ZNF576: variants seen among roughly 807,000 people sequenced by gnomAD.
ZNF576 encodes zinc finger protein 576.
A neutral mutation model predicts 10.8 loss-of-function variants in ZNF576; 9 were observed. The observed-to-expected ratio is 0.84, with a 90% CI of 0.50 to 1.46. The LOEUF is 1.46. ZNF576 is among the 40% of genes most tolerant of loss of function. The probability of loss-of-function intolerance (pLI) is 0.00; values close to 1 mark genes in which losing one functional copy is unlikely to be tolerated. For synonymous variants in ZNF576, 88 were observed against 89.6 expected (o/e 0.98, Z 0.10); for missense variants, 191 against 233.7 (o/e 0.82, Z 1.19).
Position 43,599,279 on chromosome 19 carries a change from C to A in ZNF576, c.*21C>A, listed in dbSNP as rs200110905. The A allele has an allele frequency of 1.9e-6, 3 of 1,598,094 alleles. No individual in the cohort carries two copies. The highest frequency in any genetic ancestry group is 2.2e-5 in the South Asian group (2 of 89,610). On this transcript the variant is annotated 3_prime_UTR_variant, in exon 3 of 3. Coordinates refer to ENST00000336564, the MANE Select transcript of ZNF576 (RefSeq NM_001145347.2). Reference sequence around the variant, plus strand: ...TCTGAGTGCAGCTTAAGCCTCTCCACGGTGACGGGTGGCTCTGTGGCTGGT... The same window carrying A: ...TCTGAGTGCAGCTTAAGCCTCTCCAAGGTGACGGGTGGCTCTGTGGCTGGT...
Position 43,599,527 on chromosome 19 carries a change from G to A in ZNF576, c.*269G>A. The A allele has an allele frequency of 2.1e-6, 1 of 474,228 alleles. No individual in the cohort carries two copies. The highest frequency in any genetic ancestry group is 3.1e-5 in the South Asian group (1 of 32,146). The allele number at this position is 474,228 out of a possible 1,614,324, so 29.4% of individuals were successfully genotyped here. A position where few individuals can be genotyped will look rare whatever the true frequency, so the allele number is the denominator to read the frequency against. ...TGGGAAGGGAGTGCGGGAGAGAAATGGTTTGTGTCTCCCTTATTCCCAGTT... is the reference window on the plus strand; with the variant it reads ...TGGGAAGGGAGTGCGGGAGAGAAATAGTTTGTGTCTCCCTTATTCCCAGTT... On this transcript the variant is annotated 3_prime_UTR_variant, in exon 3 of 3. Transcript: ENST00000336564.
intron 2 of ZNF576, among the ~76,000 whole-genome samples, chr19:43,598,581 T>C (rs1973174605): frequency 6.6e-6 from 1 of 152,100 alleles, no homozygotes; most frequent in South Asian, 2.1e-4. Context: ...CTCTCTGGGT[T>C]CCAACCCTGG....
chr19:43,596,945 CA>C (rs754410333), intron 1 of ZNF576, 148 bp from the exon 2 acceptor site: 1 of 617,702 alleles, frequency 1.6e-6, no homozygotes, highest in Non-Finnish European at 2.9e-6. Flanking sequence ...AGAACTCCAT[CA>C]ATTAGAGTTC....
Position 43,598,990 on chromosome 19 carries a change from C to T in ZNF576, c.245C>T (p.Ser82Phe). 5 of 1,614,214 alleles carry T rather than the reference C, an allele frequency of 3.1e-6. No individual in the cohort carries two copies. The Admixed American group carries it at 8.3e-5, about 27-fold the overall frequency. ...ICFTCARSFPSSKALITHQRS... is the reference protein window; with the variant it reads ...ICFTCARSFPFSKALITHQRS... The stretch of plus-strand genomic sequence containing the variant: ...TTCACCTGCGCCCGCTCCTTCCCCT[C>T]CTCCAAAGCCCTAATCACCCACCAG... The change falls in exon 3 of 3, where the codon TCC (serine) becomes TTC (phenylalanine). Residue 82 changes from serine to phenylalanine, a missense_variant. Coordinates refer to ENST00000336564, the MANE Select transcript of ZNF576 (RefSeq NM_001145347.2).
rs899751215 is a variant in ZNF576, at chr19:43,598,931, G to A, written c.186G>A (p.Val62=). The part of the protein sequence containing the change: ...HMKREHPADF[V]AQKLQGVLFI... Reference sequence around the variant, plus strand: ...AGCGGGAGCACCCAGCGGACTTCGTGGCCCAGAAGCTGCAGGGGGTCCTCT... The same window carrying A: ...AGCGGGAGCACCCAGCGGACTTCGTAGCCCAGAAGCTGCAGGGGGTCCTCT... The change falls in exon 3 of 3, where the codon GTG becomes GTA. Residue 62 remains valine (V), a synonymous_variant. Coordinates refer to ENST00000336564, the MANE Select transcript of ZNF576 (RefSeq NM_001145347.2). 1 of 1,613,776 alleles carries A rather than the reference G, an allele frequency of 6.2e-7. No homozygotes were observed. The highest frequency in any genetic ancestry group is 2.2e-5 in the East Asian group (1 of 44,864).
intron 2 of ZNF576, among the ~76,000 whole-genome samples, chr19:43,598,558 T>C (rs1160086383): frequency 6.6e-6 from 1 of 152,180 alleles, no homozygotes; most frequent in African/African-American, 2.4e-5. Context: ...TACCCCTCTG[T>C]TGGGCAGGCT....
chr19:43,599,579 C>T lies in ZNF576; in HGVS notation c.*321C>T, dbSNP rs1973189015. On this transcript the variant is annotated 3_prime_UTR_variant, in exon 3 of 3. Transcript: ENST00000336564. ...AATACCTAGCTGCAGATTGTGCCAT[C>T]ACCCTTCATTCTTCCCAGATGGATG... 9.2e-6 allele frequency: 3 copies of T among 324,472 alleles called. No individual in the cohort carries two copies. Among genetic ancestry groups the T allele is most frequent in the Non-Finnish European group, 5.7e-6 (1 of 175,046 alleles). 20.1% of individuals were successfully genotyped at this position (324,472 alleles called of 1,614,324 possible).
At position 43,599,304 on chromosome 19, in the gene ZNF576, T is replaced by C; in HGVS notation, c.*46T>C. ...CGGTGACGGGTGGCTCTGTGGCTGGTAGGACTCACCCATGATATGGGGTGC... is the reference window on the plus strand; with the variant it reads ...CGGTGACGGGTGGCTCTGTGGCTGGCAGGACTCACCCATGATATGGGGTGC... On this transcript the variant is annotated 3_prime_UTR_variant, in exon 3 of 3. Coordinates refer to ENST00000336564, the MANE Select transcript of ZNF576 (RefSeq NM_001145347.2). The C allele has an allele frequency of 6.4e-7, 1 of 1,567,510 alleles. No homozygotes were observed. The highest frequency in any genetic ancestry group is 8.7e-7 in the Non-Finnish European group (1 of 1,151,764).
Position 43,599,148 on chromosome 19 carries a change from G to A in ZNF576, c.403G>A (p.Glu135Lys), listed in dbSNP as rs1214826166. 1.9e-6 allele frequency: 3 copies of A among 1,614,150 alleles called. No individual in the cohort carries two copies. The African/African-American group carries it at 4.0e-5, about 22-fold the overall frequency. The change falls in exon 3 of 3, where the codon GAG becomes AAG. Residue 135 changes from glutamate (E) to lysine (K), a missense_variant. Glu to Lys is a moderately conservative substitution (Grantham distance 56). Coordinates refer to ENST00000336564, the MANE Select transcript of ZNF576 (RefSeq NM_001145347.2). ...TCTGAGGCGGCACCGCCAGATGCAT[G>A]AGGTCCGTGCCCCTCCTGGCACCTT... ...VSLRRHRQMH[E>K]VRAPPGTFAC...
upstream of ZNF576, chr19:43,596,490 C>G (rs765023664): frequency 2.0e-5 from 3 of 152,492 alleles, no homozygotes; most frequent in Middle Eastern, 3.4e-3. Flanking sequence ...GCGGAAACCA[C>G]GGGGGCCCTG....
In ZNF576 at chr19:43,599,423, T is replaced by G; in HGVS notation, c.*165T>G. On this transcript the variant is annotated 3_prime_UTR_variant, in exon 3 of 3. Transcript: ENST00000336564. ...GACCCAGAAGATTCTTATTTAGAGCTTCAGTCTTTGGAGCACACAGGGCCT... is the reference window on the plus strand; with the variant it reads ...GACCCAGAAGATTCTTATTTAGAGCGTCAGTCTTTGGAGCACACAGGGCCT... The G allele has an allele frequency of 1.5e-6, 1 of 682,486 alleles. No homozygotes were observed. Among genetic ancestry groups the G allele is most frequent in the South Asian group, 2.0e-5 (1 of 49,886 alleles). The allele number at this position is 682,486 out of a possible 1,614,324, so 42.3% of individuals were successfully genotyped here.
At position 43,600,427 on chromosome 19, in the gene ZNF576, A is replaced by G. The variant is rs1973197112; in HGVS notation, c.*1169A>G. 6.6e-6 allele frequency: 1 copy of G among 152,256 alleles called. No homozygotes were observed. The highest frequency in any genetic ancestry group is 6.5e-5 in the Admixed American group (1 of 15,278). 9.4% of individuals were successfully genotyped at this position (152,256 alleles called of 1,614,324 possible). On this transcript the variant is annotated 3_prime_UTR_variant, in exon 3 of 3. Transcript: ENST00000336564. The stretch of plus-strand genomic sequence containing the variant: ...CCCACAGGTGAGGTGGATGTGGTAG[A>G]CTGATCACTGTCTCTGTTTTTAGCT...
chr19:43,598,010 C>T (rs1405845580), intron 2 of ZNF576, among the ~76,000 whole-genome samples: 9 of 152,114 alleles, frequency 5.9e-5, no homozygotes, highest in Admixed American at 1.3e-4. Flanking sequence ...AATTGTTTTG[C>T]TCTGGATTGG....
At chr19:43,597,310 G>A in intron 2 of ZNF576, 117 bp downstream of exon 2, 5 of 863,580 alleles carry the variant, frequency 5.8e-6, no homozygotes, top group Non-Finnish European at 7.7e-6. Flanking sequence ...AGAAGGGGCT[G>A]TAATGGTCCC....
rs975907199 is a variant in ZNF576, at chr19:43,599,679, G to A, written c.*421G>A. On this transcript the variant is annotated 3_prime_UTR_variant, in exon 3 of 3. Coordinates refer to ENST00000336564, the MANE Select transcript of ZNF576 (RefSeq NM_001145347.2). ...AGGAAAGGTGAGGTGTTGCTGGCCT[G>A]TAATGCCACCAGGTGAGTTCCAGAT... 6.0e-6 allele frequency: 1 copy of A among 167,294 alleles called. No individual in the cohort carries two copies. The highest frequency in any genetic ancestry group is 1.3e-5 in the Non-Finnish European group (1 of 77,834). The allele number at this position is 167,294 out of a possible 1,614,324, so 10.4% of individuals were successfully genotyped here.
intron 2 of ZNF576, 70 bp downstream of exon 2, chr19:43,597,263 C>A (rs1973156955): frequency 1.4e-6 from 2 of 1,417,710 alleles, no homozygotes; most frequent in Non-Finnish European, 2.0e-6. Context: ...CTCTGTGGCA[C>A]TTCGGTGTCC....
Position 43,600,274 on chromosome 19 carries a change from CA to C in ZNF576, c.*1018del, listed in dbSNP as rs2146107037. The C allele has an allele frequency of 6.6e-6, 1 of 152,384 alleles. No homozygotes were observed. Among genetic ancestry groups the C allele is most frequent in the East Asian group, 1.9e-4 (1 of 5,188 alleles). 9.4% of individuals were successfully genotyped at this position (152,384 alleles called of 1,614,324 possible). ...TGGAGGGAGCAGTGGGTGTCACCCT[CA>C]ACTGGAGATGAGTCCCACCAGGCCA... is the stretch of plus-strand genomic sequence containing the variant. On this transcript the variant is annotated 3_prime_UTR_variant, in exon 3 of 3. Transcript: ENST00000336564.
In ZNF576 at chr19:43,599,417, T is replaced by C. The variant is rs1973186697; in HGVS notation, c.*159T>C. 1 of 695,968 alleles carries C rather than the reference T, an allele frequency of 1.4e-6. No homozygotes were observed. The highest frequency in any genetic ancestry group is 1.8e-5 in the African/African-American group (1 of 55,438). The allele number at this position is 695,968 out of a possible 1,614,324, so 43.1% of individuals were successfully genotyped here. On this transcript the variant is annotated 3_prime_UTR_variant, in exon 3 of 3. Transcript: ENST00000336564. ...AAAGAGGACCCAGAAGATTCTTATT[T>C]AGAGCTTCAGTCTTTGGAGCACACA...
chr19:43,598,198 G>A (rs554582734), intron 2 of ZNF576, among the ~76,000 whole-genome samples: 1 of 152,106 alleles, frequency 6.6e-6, no homozygotes, highest in African/African-American at 2.4e-5. Context: ...TTCATATTTT[G>A]TCTGTGCTCA....
Sources: gnomAD v4.1 joint callset for allele counts (sites outside exome capture counted in the v4.1 genomes callset) on GRCh38, gnomAD v4.1.1 for gene constraint, MANE v1.5 for transcripts, NCBI Gene and HGNC (gene_info 2026-07-23, HGNC 2026-07-21) for gene names.